Variants in TP63 observed in about 807,000 individuals in gnomAD.
The protein encoded by TP63 is tumor protein 63.
Under a neutral mutation model 82.8 loss-of-function variants are expected in TP63, and 17 were observed. The observed-to-expected ratio is 0.21, with a 90% CI of 0.14 to 0.31. The LOEUF (loss-of-function observed/expected upper bound fraction) is 0.31, where lower values mean the gene tolerates loss of function less well. Ranked by LOEUF, TP63 falls within the 10% of genes least tolerant of loss-of-function variation. TP63 has a pLI of 1.00. For missense variants in TP63, 648 were observed against 895.3 expected (o/e 0.72, Z 3.52); for synonymous variants, 330 against 321.7 (o/e 1.03, Z -0.28).
intron 1 of TP63, among the ~76,000 whole-genome samples, chr3:189,691,338 C>CAAAAAAAAAAAAAAAAAAAAAAA (rs781098833): frequency 1.3e-4 from 9 of 67,114 alleles, no homozygotes; most frequent in Admixed American, 2.0e-4. Flanking sequence ...GACTCCATCT[C>CAAAAAAAAAAAAAAAAAAAAAAA]AAAAAAAAAA....
intron 1 of TP63, among the ~76,000 whole-genome samples, chr3:189,729,374 A>T (rs1000629103): frequency 1.3e-5 from 2 of 152,182 alleles, no homozygotes. Context: ...AGGTCATGGA[A>T]GAAGCAAGCC....
the TP63 span, among the ~76,000 whole-genome samples, chr3:189,600,710 A>G: frequency 4.1e-3 from 629 of 152,302 alleles, 3 homozygotes; most frequent in African/African-American, 0.014. Context: ...CCTTACTACC[A>G]GGCCAGTACT....
intron 1 of TP63, among the ~76,000 whole-genome samples, chr3:189,695,383 T>C (rs1717298607): frequency 6.6e-6 from 1 of 152,160 alleles, no homozygotes; most frequent in South Asian, 2.1e-4. Context: ...TTTCTTTAAT[T>C]TGTGGTGCTA....
chr3:189,730,819 T>C (rs192635906), intron 1 of TP63, among the ~76,000 whole-genome samples: 53 of 152,330 alleles, frequency 3.5e-4, no homozygotes, highest in African/African-American at 1.2e-3. Context: ...GGAGATCTAG[T>C]AGCATCAATG....
chr3:189,737,516 A>C (rs1422722101), intron 1 of TP63, among the ~76,000 whole-genome samples: 3 of 152,190 alleles, frequency 2.0e-5, no homozygotes, highest in Non-Finnish European at 4.4e-5. Context: ...GATAGAAGAC[A>C]AGATTGTCTA....
At chr3:189,628,261 C>G (rs1024227213), upstream of TP63, among the ~76,000 whole-genome samples, 2 of 152,100 alleles carry the variant, frequency 1.3e-5, no homozygotes, top group African/African-American at 4.8e-5. Flanking sequence ...TGAATATGCG[C>G]AGATGGAGTT....
chr3:189,877,235 TAG>T (rs1357736745), intron 10 of TP63, among the ~76,000 whole-genome samples: 1 of 152,186 alleles, frequency 6.6e-6, no homozygotes, highest in African/African-American at 2.4e-5. Flanking sequence ...GGAATAAATA[TAG>T]AGAGTTATGT....
intron 1 of TP63, among the ~76,000 whole-genome samples, chr3:189,671,576 A>T (rs1714895307): frequency 6.6e-6 from 1 of 152,184 alleles, no homozygotes. Flanking sequence ...TATTGAAGAG[A>T]TACCTGCACC....
rs988583583 is a variant in TP63, at chr3:189,652,530, A to G, written c.62+20953A>G. ...GAAGGGACTTGCCTTGTCTCAGATG[A>G]GACTTTGGGCTTGGACTTTTGGGTT... On this transcript the variant is annotated intron_variant, in intron 1 of 13. Coordinates refer to ENST00000264731, the MANE Select transcript of TP63 (RefSeq NM_003722.5). Among the ~76,000 whole-genome samples, 12 of 146,850 alleles carry G rather than the reference A, an allele frequency of 8.2e-5. 1 individual carries two copies. Among genetic ancestry groups the G allele is most frequent in the African/African-American group, 2.8e-4 (11 of 39,098 alleles).
intron 1 of TP63, among the ~76,000 whole-genome samples, chr3:189,722,360 T>G (rs1295741075): frequency 6.6e-6 from 1 of 152,172 alleles, no homozygotes; most frequent in East Asian, 1.9e-4. Context: ...GATAAGCGCG[T>G]CTTTAGTGTC....
chr3:189,834,644 G>C (rs2108719435), intron 4 of TP63, among the ~76,000 whole-genome samples: 1 of 152,236 alleles, frequency 6.6e-6, no homozygotes, highest in South Asian at 2.1e-4. Context: ...TTGGGCTGTG[G>C]GTTCCCAAAC....
At chr3:189,888,453 T>C (rs909840518) in intron 11 of TP63, among the ~76,000 whole-genome samples, 1 of 152,236 alleles carries the variant, frequency 6.6e-6, no homozygotes, top group African/African-American at 2.4e-5. Context: ...TGCCTACTTT[T>C]TTTCTTATTT....
At chr3:189,629,087 T>A (rs28546899), upstream of TP63, among the ~76,000 whole-genome samples, 3 of 152,070 alleles carry the variant, frequency 2.0e-5, no homozygotes, top group East Asian at 1.9e-4. Context: ...TTAAATTTTT[T>A]AAAAAAATAG....
intron 4 of TP63, among the ~76,000 whole-genome samples, chr3:189,838,694 G>T (rs1022272500): frequency 1.3e-5 from 2 of 152,040 alleles, no homozygotes; most frequent in African/African-American, 4.8e-5. Context: ...TTATCCAGGG[G>T]TTCCCTTAAA....
chr3:189,867,850 G>A lies in TP63; in HGVS notation c.900G>A (p.Thr300=), dbSNP rs372807713. Residue 300 remains threonine (T), a synonymous_variant, in exon 7 of 14, where the codon ACG becomes ACA. Transcript: ENST00000264731. ...YEPPQVGTEF[T]TVLYNFMCNS... is the part of the protein sequence containing the mutation. The stretch of plus-strand genomic sequence containing the variant: ...GTTTTCAGGTTGGCACTGAATTCAC[G>A]ACAGTCTTGTACAATTTCATGTGTA... The A allele has an allele frequency of 4.0e-5, 65 of 1,614,038 alleles. No homozygotes were observed. Among genetic ancestry groups the A allele is most frequent in the East Asian group, 1.8e-4 (8 of 44,874 alleles).
chr3:189,725,490 C>T (rs916938652), intron 1 of TP63, among the ~76,000 whole-genome samples: 13 of 152,076 alleles, frequency 8.5e-5, no homozygotes, highest in Non-Finnish European at 1.5e-4. Flanking sequence ...CTTAATAATA[C>T]GTATCCCGTT....
chr3:189,657,306 C>T (rs540684574), intron 1 of TP63, among the ~76,000 whole-genome samples: 24 of 152,038 alleles, frequency 1.6e-4, no homozygotes, highest in African/African-American at 4.3e-4. Context: ...GAGACCATTA[C>T]GGCATAAAAA....
chr3:189,768,579 A>G (rs1421921490), intron 3 of TP63, among the ~76,000 whole-genome samples: 1 of 152,190 alleles, frequency 6.6e-6, no homozygotes, highest in East Asian at 1.9e-4. Context: ...ACACACTATT[A>G]TTAAACAATT....
At chr3:189,702,544 C>T (rs58200304) in intron 1 of TP63, among the ~76,000 whole-genome samples, 13,060 of 152,222 alleles carry the variant, frequency 0.086, 605 homozygotes, top group South Asian at 0.15. Context: ...AATGTTTCCT[C>T]TCCTGCCTGG....
Sources: allele counts gnomAD v4.1 joint callset (sites outside exome capture counted in the v4.1 genomes callset), GRCh38; gene constraint gnomAD v4.1.1; transcripts MANE v1.5; gene names NCBI Gene and HGNC (gene_info 2026-07-23, HGNC 2026-07-21).